Variants in STAB2 observed in about 807,000 individuals in gnomAD.
STAB2 encodes stabilin-2.
A neutral mutation model predicts 338.1 loss-of-function variants in STAB2; 288 were observed. The ratio of observed to expected loss-of-function variants is 0.85; its 90% confidence interval spans 0.77 to 0.94. The LOEUF (loss-of-function observed/expected upper bound fraction) is 0.94. Among genes scored for constraint, STAB2 ranks in the 40% least tolerant of loss-of-function variants. STAB2 has a pLI of 0.00. For missense variants in STAB2, 3,141 were observed against 3,210.1 expected, an observed-to-expected ratio of 0.98 and a Z score of 0.52; for synonymous variants, 1,202 against 1,193.3, an observed-to-expected ratio of 1.01 and a Z score of -0.15.
chr12:103,650,549 C>T lies in STAB2; in HGVS notation c.1228C>T (p.Pro410Ser). 1.2e-6 allele frequency: 2 copies of T among 1,613,170 alleles called. No homozygotes were observed. Among genetic ancestry groups the T allele is most frequent in the South Asian group, 2.2e-5 (2 of 91,064 alleles). The change falls in exon 11 of 69, where the codon CCT becomes TCT. Residue 410 changes from proline (P) to serine (S), a missense_variant. Transcript: ENST00000388887. ...SKLGPFTVLL[P>S]TDKGLKGFNV... ...GCTGGGACCCTTCACGGTGCTGTTACCTACAGACAAGGGACTGAAAGGATT... is the reference window on the plus strand; with the variant it reads ...GCTGGGACCCTTCACGGTGCTGTTATCTACAGACAAGGGACTGAAAGGATT...
chr12:103,597,034 C>G (rs1023253288), intron 3 of STAB2, among the ~76,000 whole-genome samples: 10 of 150,906 alleles, frequency 6.6e-5, no homozygotes, highest in Admixed American at 2.6e-4. Context: ...GGCCTCAAAG[C>G]CAGGGAAGCA....
intron 45 of STAB2, among the ~76,000 whole-genome samples, chr12:103,725,401 A>G (rs558707692): frequency 1.3e-5 from 2 of 152,374 alleles, no homozygotes; most frequent in South Asian, 4.1e-4. Context: ...CTCTCTGTAT[A>G]TCAATTTTCC....
chr12:103,695,681 C>A, intron 32 of STAB2, 33 bp downstream of exon 32: 1 of 1,613,646 alleles, frequency 6.2e-7, no homozygotes, highest in Non-Finnish European at 8.5e-7. Context: ...GACCACCATG[C>A]TCAGGTTACC....
At position 103,713,632 on chromosome 12, in the gene STAB2, A is replaced by C. The variant is rs375542696; in HGVS notation, c.4412-11A>C. 14 of 1,613,532 alleles carry C rather than the reference A, an allele frequency of 8.7e-6. No individual in the cohort carries two copies. The highest frequency in any genetic ancestry group is 1.2e-5 in the Non-Finnish European group (14 of 1,179,634). ...TCCCTCTCCCCTTCTGCTCTGTGTC[A>C]TCTTCTATAGCAATCAATGCCTGTG... is the stretch of plus-strand genomic sequence containing the variant. On this transcript the variant is annotated splice_polypyrimidine_tract_variant and intron_variant, in intron 41 of 68. Coordinates refer to ENST00000388887, the MANE Select transcript of STAB2 (RefSeq NM_017564.10).
chr12:103,695,438 T>C, intron 31 of STAB2, 112 bp from the exon 32 acceptor site: 1 of 884,292 alleles, frequency 1.1e-6, no homozygotes, highest in South Asian at 1.7e-5. Context: ...GTTGTCAATG[T>C]CAATCCATTG....
chr12:103,675,715 C>T (rs1479535070), intron 23 of STAB2, among the ~76,000 whole-genome samples: 26 of 152,252 alleles, frequency 1.7e-4, no homozygotes, highest in Admixed American at 1.7e-3. Flanking sequence ...CAGTGTCACA[C>T]AACTGCTAAG....
intron 22 of STAB2, 81 bp downstream of exon 22, chr12:103,670,888 G>A (rs759260008): frequency 3.5e-6 from 4 of 1,143,774 alleles, no homozygotes; most frequent in Non-Finnish European, 5.2e-6. Context: ...GTGCAGGGCT[G>A]GTGTCTCAGG....
At chr12:103,746,425 C>A (rs1883037626) in intron 57 of STAB2, 172 bp from the exon 58 acceptor site, 1 of 616,624 alleles carries the variant, frequency 1.6e-6, no homozygotes, top group Non-Finnish European at 3.0e-6. Flanking sequence ...ATTCTAGAAT[C>A]CCAGAATCTC....
In STAB2 at chr12:103,677,509, G is replaced by A; in HGVS notation, c.2703G>A (p.Trp901Ter). The change falls in exon 25 of 69, where the codon TGG becomes TGA. Residue 901 changes from tryptophan (W) to a stop codon, truncating the protein, a stop_gained. Coordinates refer to ENST00000388887, the MANE Select transcript of STAB2 (RefSeq NM_017564.10). LOFTEE classifies it high-confidence loss of function. ...GTHTCVCQQG[W>*]TGNGRDCSEI... is the part of the protein sequence containing the mutation. ...ACACCTGCGTGTGTCAGCAGGGTTG[G>A]ACAGGGAATGGGAGAGACTGCTCGG... 6.2e-7 allele frequency: 1 copy of A among 1,614,184 alleles called. No homozygotes were observed. The highest frequency in any genetic ancestry group is 1.1e-5 in the South Asian group (1 of 91,080).
chr12:103,753,194 G>A lies in STAB2; in HGVS notation c.6581-26G>A, dbSNP rs541894311. 3.7e-5 allele frequency: 60 copies of A among 1,612,646 alleles called. No individual in the cohort carries two copies. The East Asian group carries it at 1.3e-3, about 34-fold the overall frequency. ...ACTGCCAACCTGGTGGGCTGACCTGGGCGATTCCTCCTCTTCCTCATCCAG... is the reference window on the plus strand; with the variant it reads ...ACTGCCAACCTGGTGGGCTGACCTGAGCGATTCCTCCTCTTCCTCATCCAG... On this transcript the variant is annotated intron_variant, in intron 60 of 68. Coordinates refer to ENST00000388887, the MANE Select transcript of STAB2 (RefSeq NM_017564.10).
intron 34 of STAB2, among the ~76,000 whole-genome samples, chr12:103,702,545 C>T (rs541793635): frequency 1.6e-4 from 25 of 151,874 alleles, no homozygotes; most frequent in South Asian, 6.3e-4. Context: ...ATGATCCACC[C>T]GCCTCGGCCT....
chr12:103,715,537 C>G lies in STAB2; in HGVS notation c.4538-278C>G, dbSNP rs534038083. ...CTCCAAGATTCTATGGTTTCAAGTA[C>G]TTTGCTACAAATGCTCAAATTTATT... On this transcript the variant is annotated intron_variant, in intron 42 of 68. Transcript: ENST00000388887. Among the ~76,000 whole-genome samples, 8 of 152,286 alleles carry G rather than the reference C, an allele frequency of 5.3e-5. No individual in the cohort carries two copies. The East Asian group carries it at 1.5e-3, about 29-fold the overall frequency.
chr12:103,739,307 C>T, intron 53 of STAB2, 105 bp from the exon 54 acceptor site: 1 of 1,082,224 alleles, frequency 9.2e-7, no homozygotes, highest in Non-Finnish European at 1.3e-6. Flanking sequence ...TAGCCAGAGT[C>T]TTAAGATTAG....
At chr12:103,663,276 T>C (rs1215520943) in intron 18 of STAB2, among the ~76,000 whole-genome samples, 3 of 152,214 alleles carry the variant, frequency 2.0e-5, no homozygotes, top group Non-Finnish European at 2.9e-5. Flanking sequence ...ACTGGGAGGC[T>C]TGCCACAACA....
rs542317237 is a variant in STAB2, at chr12:103,755,143, C to T, written c.6715-159C>T. ...CCCAGTGGCTCAATCAATCAGTCAA[C>T]ATCTAATGACCACCTACTGTGTGCC... On this transcript the variant is annotated intron_variant, in intron 61 of 68. Transcript: ENST00000388887. The T allele has an allele frequency of 7.9e-4, 760 of 965,966 alleles. 1 individual carries two copies. Among genetic ancestry groups the T allele is most frequent in the Admixed American group, 1.5e-3 (66 of 43,336 alleles). 59.8% of individuals were successfully genotyped at this position (965,966 alleles called of 1,614,324 possible).
chr12:103,606,914 G>A (rs1305624377), intron 3 of STAB2, among the ~76,000 whole-genome samples: 1 of 152,166 alleles, frequency 6.6e-6, no homozygotes, highest in African/African-American at 2.4e-5. Flanking sequence ...AACTCGGGAG[G>A]TGGAGGGTGC....
chr12:103,714,471 A>G (rs1018955024), intron 42 of STAB2, among the ~76,000 whole-genome samples: 3 of 152,160 alleles, frequency 2.0e-5, no homozygotes, highest in East Asian at 3.9e-4. Context: ...AGACCAAGGC[A>G]GGCAGATCAT....
chr12:103,618,066 T>G (rs1254132661), intron 3 of STAB2, among the ~76,000 whole-genome samples: 2 of 152,238 alleles, frequency 1.3e-5, no homozygotes. Context: ...CCCCAGGGTC[T>G]CTTTCAGAGA....
chr12:103,643,976 C>A (rs1245954598), intron 9 of STAB2, among the ~76,000 whole-genome samples: 1 of 86,050 alleles, frequency 1.2e-5, no homozygotes, highest in Non-Finnish European at 2.5e-5. Flanking sequence ...GCCTGGCCGC[C>A]CCTACTGGGA....
Sources: allele counts gnomAD v4.1 joint callset (sites outside exome capture counted in the v4.1 genomes callset), GRCh38; gene constraint gnomAD v4.1.1; transcripts MANE v1.5; gene names NCBI Gene and HGNC (gene_info 2026-07-23, HGNC 2026-07-21).